Variants in GBE1 observed in about 807,000 individuals in gnomAD.
GBE1 encodes the protein 1,4-alpha-glucan branching enzyme 1.
In GBE1, 70 loss-of-function variants were observed where a neutral mutation model predicts 88.8. The observed-to-expected ratio is 0.79, with a 90% CI of 0.65 to 0.96. The LOEUF is 0.96. Among genes scored for constraint, GBE1 ranks in the 40% least tolerant of loss-of-function variants. The pLI, the probability that GBE1 is intolerant of heterozygous loss-of-function variation, is 0.00. For synonymous variants in GBE1, 284 were observed against 300.1 expected, an observed-to-expected ratio of 0.95 and a Z score of 0.56; for missense variants, 872 against 871.0, an observed-to-expected ratio of 1.00 and a Z score of -0.01.
chr3:81,613,879 C>A (rs1704213746), intron 7 of GBE1, among the ~76,000 whole-genome samples: 1 of 146,996 alleles, frequency 6.8e-6, no homozygotes, highest in Non-Finnish European at 1.5e-5. Flanking sequence ...CAGTTTTAAA[C>A]ATTGAAAGTG....
chr3:81,536,499 A>T (rs1703075733), intron 13 of GBE1, among the ~76,000 whole-genome samples: 1 of 151,862 alleles, frequency 6.6e-6, no homozygotes, highest in Non-Finnish European at 1.5e-5. Flanking sequence ...AAAGAAGAGA[A>T]AAAAAAATGA....
intron 12 of GBE1, among the ~76,000 whole-genome samples, chr3:81,542,055 C>A (rs1262317200): frequency 6.6e-6 from 1 of 151,764 alleles, no homozygotes; most frequent in Non-Finnish European, 1.5e-5. Context: ...TGTCTATATC[C>A]ACATCTGTAT....
chr3:81,611,011 A>C (rs1286945065), intron 7 of GBE1, among the ~76,000 whole-genome samples: 1 of 152,112 alleles, frequency 6.6e-6, no homozygotes, highest in Non-Finnish European at 1.5e-5. Context: ...CTTTAAAAAA[A>C]AAAAGTAATC....
rs139407373 is a variant in GBE1 at position 81,600,511 on chromosome 3, G to A, written c.993-6488C>T. On this transcript the variant is annotated intron_variant, in intron 7 of 15. Transcript: ENST00000429644. ...GCTGGGATTATAGGCCTGAGCCATG[G>A]TGCTTGGCTCTAATCAGCATAAAAA... is the stretch of plus-strand genomic sequence containing the variant. Among the ~76,000 whole-genome samples, 641 of 152,144 alleles carry A rather than the reference G, an allele frequency of 4.2e-3. 2 individuals are homozygous for A. The highest frequency in any genetic ancestry group is 0.014 in the African/African-American group (562 of 41,506).
chr3:81,722,090 T>C (rs951838069), intron 1 of GBE1, among the ~76,000 whole-genome samples: 8 of 152,180 alleles, frequency 5.3e-5, no homozygotes, highest in African/African-American at 1.7e-4. Context: ...TCAACACAAT[T>C]TCAAATCCCT....
Position 81,536,920 on chromosome 3 carries a change from T to C in GBE1, c.1794A>G (p.Ala598=). Residue 598 remains alanine, a synonymous_variant, in exon 13 of 16, where the codon GCA becomes GCG. Transcript: ENST00000429644. ...AGAGTGAAGAGCTTACCTGTGGAGC[T>C]GCAAGCCAACCATATCTTTCTTCCA... The part of the protein sequence containing the change: ...NRLEERYGWL[A]APQAYVSEKH... The C allele has an allele frequency of 6.3e-7, 1 of 1,588,432 alleles. No individual in the cohort carries two copies. The highest frequency in any genetic ancestry group is 8.6e-7 in the Non-Finnish European group (1 of 1,169,274).
chr3:81,596,072 T>C (rs1576163389), intron 7 of GBE1, among the ~76,000 whole-genome samples: 1 of 152,096 alleles, frequency 6.6e-6, no homozygotes, highest in East Asian at 1.9e-4. Context: ...TAATTTCTTT[T>C]ATATTTTATG....
chr3:81,628,176 T>C (rs1165842346), intron 7 of GBE1, among the ~76,000 whole-genome samples: 1 of 152,116 alleles, frequency 6.6e-6, no homozygotes, highest in Non-Finnish European at 1.5e-5. Context: ...CAACTATCAA[T>C]ACGTCACCCT....
chr3:81,519,023 T>C (rs1231966023), intron 14 of GBE1, among the ~76,000 whole-genome samples: 2 of 151,714 alleles, frequency 1.3e-5, no homozygotes, highest in East Asian at 1.9e-4. Flanking sequence ...ATGTGGTAGT[T>C]AGCTAATCCT....
At chr3:81,560,848 C>CTT (rs778375867) in intron 12 of GBE1, among the ~76,000 whole-genome samples, 3 of 151,808 alleles carry the variant, frequency 2.0e-5, no homozygotes, top group Non-Finnish European at 4.4e-5. Flanking sequence ...ATAGTATAGT[C>CTT]TTTTTTTGTT....
At chr3:81,634,575 T>A (rs376661299) in intron 7 of GBE1, among the ~76,000 whole-genome samples, 8 of 151,976 alleles carry the variant, frequency 5.3e-5, no homozygotes, top group African/African-American at 1.9e-4. Flanking sequence ...ATGGCAAGCA[T>A]GATGGTGAAA....
intron 2 of GBE1, among the ~76,000 whole-genome samples, chr3:81,684,656 A>T (rs1705406961): frequency 6.6e-6 from 1 of 152,232 alleles, no homozygotes; most frequent in African/African-American, 2.4e-5. Context: ...GCAAACACTC[A>T]GTCCACAGCA....
chr3:81,740,193 C>T (rs191309641), intron 1 of GBE1, among the ~76,000 whole-genome samples: 4 of 152,204 alleles, frequency 2.6e-5, no homozygotes, highest in Admixed American at 2.0e-4. Flanking sequence ...CCACTGCACT[C>T]CAGCCTGGGC....
At chr3:81,599,284 T>G (rs1377046367) in intron 7 of GBE1, among the ~76,000 whole-genome samples, 3 of 152,108 alleles carry the variant, frequency 2.0e-5, no homozygotes, top group Admixed American at 2.0e-4. Context: ...TGTCTGTGAC[T>G]GTGAGTGTAT....
chr3:81,663,819 A>G (rs1285243856), intron 3 of GBE1, among the ~76,000 whole-genome samples: 1 of 152,184 alleles, frequency 6.6e-6, no homozygotes, highest in Non-Finnish European at 1.5e-5. Flanking sequence ...AGGTTTGAGC[A>G]GCGGGGCACT....
intron 5 of GBE1, among the ~76,000 whole-genome samples, chr3:81,646,813 T>C (rs867329288): frequency 6.6e-6 from 1 of 152,218 alleles, no homozygotes; most frequent in African/African-American, 2.4e-5. Flanking sequence ...AATATTCATA[T>C]TGAAGATTAT....
chr3:81,567,328 A>G (rs1356032233), intron 12 of GBE1, among the ~76,000 whole-genome samples: 1 of 152,250 alleles, frequency 6.6e-6, no homozygotes, highest in East Asian at 1.9e-4. Flanking sequence ...TTGAGATATC[A>G]GTGTTCCTCT....
intron 12 of GBE1, among the ~76,000 whole-genome samples, chr3:81,545,385 G>A (rs1483086293): frequency 1.3e-5 from 2 of 152,140 alleles, no homozygotes; most frequent in Non-Finnish European, 1.5e-5. Context: ...GTTAAGATTT[G>A]ACGTTTTCCT....
intron 1 of GBE1, among the ~76,000 whole-genome samples, chr3:81,735,301 A>C (rs1575770819): frequency 6.6e-6 from 1 of 152,202 alleles, no homozygotes; most frequent in East Asian, 1.9e-4. Flanking sequence ...CTGAGATTGA[A>C]GTCTTTGAAG....
Sources: allele counts gnomAD v4.1 joint callset (sites outside exome capture counted in the v4.1 genomes callset), GRCh38; gene constraint gnomAD v4.1.1; transcripts MANE v1.5; gene names NCBI Gene and HGNC (gene_info 2026-07-23, HGNC 2026-07-21).